SGCZ: variants seen among roughly 807,000 people sequenced by gnomAD.
SGCZ encodes sarcoglycan zeta.
A neutral mutation model predicts 41.3 loss-of-function variants in SGCZ; 40 were observed. The observed-to-expected ratio is 0.97, with a 90% CI of 0.75 to 1.26. SGCZ has a LOEUF of 1.26. Among genes scored for constraint, SGCZ ranks in the 50% most tolerant of loss-of-function variants. SGCZ has a pLI of 0.00. For missense variants in SGCZ, 552 were observed against 369.8 expected (o/e 1.49, Z -4.04); for synonymous variants, 206 against 137.5 (o/e 1.50, Z -3.49).
At chr8:14,158,129 G>A (rs188803481) in intron 5 of SGCZ, among the ~76,000 whole-genome samples, 2 of 151,658 alleles carry the variant, frequency 1.3e-5, no homozygotes, top group South Asian at 2.1e-4. Flanking sequence ...AAAACCCTAT[G>A]TGGTAAGTGC....
intron 1 of SGCZ, among the ~76,000 whole-genome samples, chr8:14,825,054 A>T (rs894399523): frequency 1.3e-5 from 2 of 152,114 alleles, no homozygotes; most frequent in Non-Finnish European, 2.9e-5. Flanking sequence ...ATTTCCTTCA[A>T]TGTTTACTTT....
intron 1 of SGCZ, among the ~76,000 whole-genome samples, chr8:15,091,702 T>C (rs1486041948): frequency 1.3e-5 from 2 of 152,200 alleles, no homozygotes; most frequent in Non-Finnish European, 2.9e-5. Flanking sequence ...CTGAGACCCA[T>C]TGTTATAGAC....
At chr8:14,692,171 A>C (rs543011846) in intron 1 of SGCZ, among the ~76,000 whole-genome samples, 1 of 152,172 alleles carries the variant, frequency 6.6e-6, no homozygotes, top group African/African-American at 2.4e-5. Context: ...CCTAAATTAC[A>C]TAGTTAAATT....
At chr8:15,223,263 A>G (rs533753897) in intron 1 of SGCZ, among the ~76,000 whole-genome samples, 1 of 152,326 alleles carries the variant, frequency 6.6e-6, no homozygotes, top group African/African-American at 2.4e-5. Flanking sequence ...AAAATGGAAG[A>G]CTCAGAATCA....
In SGCZ at chr8:14,088,031, C is replaced by T. The variant is rs941062298; in HGVS notation, c.*2412G>A. Among the ~76,000 whole-genome samples, 15 of 151,766 alleles carry T rather than the reference C, an allele frequency of 9.9e-5. No individual in the cohort carries two copies. On this transcript the variant is annotated 3_prime_UTR_variant, in exon 8 of 8. Coordinates refer to ENST00000382080, the MANE Select transcript of SGCZ (RefSeq NM_139167.4). ...GAATGCATTTGAATTAAAAATGTGT[C>T]AGTCCCTCACTGGAATCGGTTTTTA...
intron 2 of SGCZ, among the ~76,000 whole-genome samples, chr8:14,337,935 C>A (rs1427474778): frequency 2.0e-5 from 3 of 152,168 alleles, no homozygotes; most frequent in South Asian, 2.1e-4. Flanking sequence ...GTCAGAGGGA[C>A]AACCAGGGTG....
chr8:14,793,557 T>C (rs929654637), intron 1 of SGCZ, among the ~76,000 whole-genome samples: 1 of 152,180 alleles, frequency 6.6e-6, no homozygotes, highest in African/African-American at 2.4e-5. Flanking sequence ...CAAAGCTGCT[T>C]CCTTAACTGG....
rs368647692 is a variant in SGCZ, at chr8:14,890,098, TC to T, written c.40-335173del. ...CGGGCATGGTCGTGGGCACCCATAG[TC>T]CCAGCTACTCGGGAGGCTGAGGCAG... On this transcript the variant is annotated intron_variant, in intron 1 of 7. Transcript: ENST00000382080. Among the ~76,000 whole-genome samples, 531 of 152,072 alleles carry T rather than the reference TC, an allele frequency of 3.5e-3. 3 individuals are homozygous for T. Among genetic ancestry groups the T allele is most frequent in the African/African-American group, 0.012 (511 of 41,462 alleles).
At chr8:14,134,614 G>T (rs372073693) in intron 5 of SGCZ, among the ~76,000 whole-genome samples, 1 of 152,144 alleles carries the variant, frequency 6.6e-6, no homozygotes, top group Non-Finnish European at 1.5e-5. Context: ...CAAATTGTCA[G>T]GGCTCTCAAA....
At chr8:14,214,123 G>A (rs1357581769) in intron 4 of SGCZ, among the ~76,000 whole-genome samples, 4 of 152,096 alleles carry the variant, frequency 2.6e-5, no homozygotes, top group African/African-American at 9.7e-5. Context: ...GATTGCATGT[G>A]CCCTTGATAT....
chr8:14,591,555 A>G (rs1348509447), intron 1 of SGCZ, among the ~76,000 whole-genome samples: 2 of 152,114 alleles, frequency 1.3e-5, no homozygotes, highest in Non-Finnish European at 2.9e-5. Context: ...TGATGTAAGC[A>G]CAATATTTTA....
At chr8:14,702,962 T>C (rs1054931836) in intron 1 of SGCZ, among the ~76,000 whole-genome samples, 4 of 138,732 alleles carry the variant, frequency 2.9e-5, no homozygotes, top group Admixed American at 7.5e-5. Context: ...GATAGATAGA[T>C]AGATAGATAG....
intron 2 of SGCZ, among the ~76,000 whole-genome samples, chr8:14,391,291 T>C (rs963540052): frequency 4.0e-5 from 6 of 151,738 alleles, no homozygotes; most frequent in East Asian, 3.9e-4. Flanking sequence ...TTAACTTGGA[T>C]TTTTTTTTCC....
chr8:14,883,776 G>GTTTTTT (rs1233614779), intron 1 of SGCZ, among the ~76,000 whole-genome samples: 2 of 86,024 alleles, frequency 2.3e-5, no homozygotes, highest in Admixed American at 1.2e-4. Context: ...GCATCCTGTT[G>GTTTTTT]TTTTTTTTTT....
At chr8:14,748,224 T>G (rs1364616581) in intron 1 of SGCZ, among the ~76,000 whole-genome samples, 1 of 152,152 alleles carries the variant, frequency 6.6e-6, no homozygotes, top group Non-Finnish European at 1.5e-5. Flanking sequence ...CGTTTTGAGA[T>G]AGTACTAATT....
At chr8:14,676,633 G>T (rs941470897) in intron 1 of SGCZ, among the ~76,000 whole-genome samples, 3 of 152,092 alleles carry the variant, frequency 2.0e-5, no homozygotes, top group African/African-American at 4.8e-5. Context: ...AAACCACGAT[G>T]TGTGGCATTA....
At chr8:15,105,325 C>T (rs1430480015) in intron 1 of SGCZ, among the ~76,000 whole-genome samples, 1 of 152,128 alleles carries the variant, frequency 6.6e-6, no homozygotes, top group Non-Finnish European at 1.5e-5. Flanking sequence ...ACACATCCCT[C>T]ACACTGCTGT....
intron 1 of SGCZ, among the ~76,000 whole-genome samples, chr8:14,758,778 G>A (rs945597316): frequency 5.3e-5 from 8 of 152,140 alleles, no homozygotes; most frequent in Non-Finnish European, 1.2e-4. Context: ...GGAGGCCGAG[G>A]CGGGTGGATC....
chr8:14,639,930 G>C (rs907645051), intron 1 of SGCZ, among the ~76,000 whole-genome samples: 1 of 151,558 alleles, frequency 6.6e-6, no homozygotes, highest in African/African-American at 2.4e-5. Context: ...ACTTGATACT[G>C]TATTAGAAAT....
Sources: allele counts gnomAD v4.1 joint callset (sites outside exome capture counted in the v4.1 genomes callset), GRCh38; gene constraint gnomAD v4.1.1; transcripts MANE v1.5; gene names NCBI Gene and HGNC (gene_info 2026-07-23, HGNC 2026-07-21).